Variants in CABP1 observed in about 807,000 individuals in gnomAD.
CABP1 encodes the protein calcium binding protein 1.
In CABP1, 17 loss-of-function variants were observed where a neutral mutation model predicts 34.3. That is an observed-to-expected ratio of 0.50 (90% CI 0.34 to 0.74). The LOEUF (loss-of-function observed/expected upper bound fraction) is 0.74. Ranked by LOEUF, CABP1 falls within the 30% of genes least tolerant of loss-of-function variation. The probability of loss-of-function intolerance (pLI) is 0.01; values close to 1 mark genes in which losing one functional copy is unlikely to be tolerated. For missense variants in CABP1, 373 were observed against 511.1 expected (o/e 0.73, Z 2.61); for synonymous variants, 198 against 229.2 (o/e 0.86, Z 1.23).
chr12:120,649,887 G>A (rs1593157338), intron 1 of CABP1, among the ~76,000 whole-genome samples: 1 of 152,206 alleles, frequency 6.6e-6, no homozygotes, highest in East Asian at 1.9e-4. Flanking sequence ...GACTGGAGCC[G>A]CAGCTCTCAA....
At chr12:120,642,308 C>T (rs1315486721) in intron 1 of CABP1, among the ~76,000 whole-genome samples, 2 of 152,112 alleles carry the variant, frequency 1.3e-5, no homozygotes, top group Non-Finnish European at 2.9e-5. Flanking sequence ...ACAGGGGGGG[C>T]TGTGCCTTTC....
chr12:120,672,850 C>T, the CABP1 span, among the ~76,000 whole-genome samples: 2 of 151,258 alleles, frequency 1.3e-5, no homozygotes, highest in Non-Finnish European at 2.9e-5. Context: ...GCCAACATGG[C>T]GAAAACCCGT....
At chr12:120,645,090 C>T (rs1046840301) in intron 1 of CABP1, among the ~76,000 whole-genome samples, 1 of 152,228 alleles carries the variant, frequency 6.6e-6, no homozygotes, top group Non-Finnish European at 1.5e-5. Context: ...CAGGAGTGAG[C>T]TACCACGCCC....
chr12:120,666,915 C>G lies in CABP1; in HGVS notation c.*15C>G, dbSNP rs1157214750. The G allele has an allele frequency of 6.2e-7, 1 of 1,601,842 alleles. No individual in the cohort carries two copies. Reference sequence around the variant, plus strand: ...TGTCCCGCTGAGGCCGCGAGGGCCCCTCCAGGACTGCCAAGCTCCCAAAGG... The same window carrying G: ...TGTCCCGCTGAGGCCGCGAGGGCCCGTCCAGGACTGCCAAGCTCCCAAAGG... On this transcript the variant is annotated 3_prime_UTR_variant, in exon 6 of 6. Transcript: ENST00000316803.
At chr12:120,674,732 A>G in the CABP1 span, among the ~76,000 whole-genome samples, 1 of 152,216 alleles carries the variant, frequency 6.6e-6, no homozygotes, top group African/African-American at 2.4e-5. Flanking sequence ...TACTAAAAAT[A>G]CAACAAAAAT....
At chr12:120,656,022 G>T in intron 1 of CABP1, 1 of 1,607,348 alleles carries the variant, frequency 6.2e-7, no homozygotes. Flanking sequence ...CCCCTCCCGG[G>T]ACCAGGAGCC....
downstream of CABP1, among the ~76,000 whole-genome samples, chr12:120,668,222 C>T (rs527895075): frequency 4.8e-4 from 73 of 152,338 alleles, no homozygotes; most frequent in South Asian, 2.7e-3. Flanking sequence ...ACTGGCTGCG[C>T]GCCGTGGCTC....
chr12:120,658,393 T>C (rs1880388704), intron 1 of CABP1, among the ~76,000 whole-genome samples: 1 of 152,096 alleles, frequency 6.6e-6, no homozygotes, highest in Admixed American at 6.5e-5. Flanking sequence ...CCACCGTGCC[T>C]GGCCCATAGC....
At chr12:120,655,851 G>A (rs1003047529) in intron 1 of CABP1, 13 of 1,382,482 alleles carry the variant, frequency 9.4e-6, no homozygotes, top group Non-Finnish European at 1.2e-5. Flanking sequence ...GTGTGTGTGT[G>A]CGCATGTGCC....
intron 1 of CABP1, among the ~76,000 whole-genome samples, chr12:120,656,614 G>C (rs1025900922): frequency 1.3e-5 from 2 of 152,130 alleles, no homozygotes; most frequent in South Asian, 2.1e-4. Context: ...AACTGACTTG[G>C]GCTGGGCGCA....
At position 120,654,643 on chromosome 12, in the gene CABP1, CG is replaced by C. The variant is rs1469510227; in HGVS notation, c.655-5234del. 9.9e-3 allele frequency among the ~76,000 whole-genome samples: 7 copies of C among 706 alleles called. 1 individual carries two copies. The highest frequency in any genetic ancestry group is 0.045 in the African/African-American group (7 of 156). 0.5% of individuals were successfully genotyped at this position (706 alleles called of 152,430 possible). A position where few individuals can be genotyped will look rare whatever the true frequency, so the allele number is the denominator to read the frequency against. On this transcript the variant is annotated intron_variant, in intron 1 of 5. Coordinates refer to ENST00000316803, the MANE Select transcript of CABP1 (RefSeq NM_001033677.2). ...GAAGGAAGGTATGTAAGCTCCAGGC[CG>C]AAGGCAGAGTGCAGGCCGAAGGCAG...
the CABP1 span, among the ~76,000 whole-genome samples, chr12:120,677,460 G>A: frequency 2.2e-5 from 3 of 135,086 alleles, no homozygotes; most frequent in Non-Finnish European, 4.6e-5. Context: ...ACAGTGGTAC[G>A]ATCTTGGCTC....
chr12:120,653,481 C>G (rs1879976083), intron 1 of CABP1, among the ~76,000 whole-genome samples: 1 of 152,324 alleles, frequency 6.6e-6, no homozygotes, highest in East Asian at 1.9e-4. Flanking sequence ...TGTTTGAGCC[C>G]AAAGCCAGCA....
chr12:120,666,203 T>TA (rs78315987), intron 5 of CABP1, among the ~76,000 whole-genome samples: 30,770 of 106,766 alleles, frequency 0.29, 5,283 homozygotes, highest in African/African-American at 0.48. Flanking sequence ...GTCTCTACAT[T>TA]AAAAAAAAAA....
intron 1 of CABP1, among the ~76,000 whole-genome samples, chr12:120,648,946 A>G (rs1185062070): frequency 6.6e-6 from 1 of 150,546 alleles, no homozygotes; most frequent in African/African-American, 2.4e-5. Context: ...CTTCCCATTC[A>G]TTGGAGTCCA....
chr12:120,672,797 A>AG, the CABP1 span, among the ~76,000 whole-genome samples: 3 of 151,438 alleles, frequency 2.0e-5, no homozygotes, highest in African/African-American at 7.3e-5. Flanking sequence ...TGGGAGGCTG[A>AG]GGTGGGTGGA....
chr12:120,659,739 C>A, intron 1 of CABP1, 139 bp from the exon 2 acceptor site: 1 of 691,972 alleles, frequency 1.4e-6, no homozygotes, highest in South Asian at 1.9e-5. Context: ...CCCTCAAGGA[C>A]CTGATCCAGG....
chr12:120,653,786 GCC>G (rs989947429), intron 1 of CABP1, among the ~76,000 whole-genome samples: 2 of 152,306 alleles, frequency 1.3e-5, no homozygotes, highest in Middle Eastern at 3.4e-3. Context: ...ACCCGCCTCG[GCC>G]TCCCAAAGTG....
In CABP1 at chr12:120,667,127, G is replaced by A. The variant is rs1881053473; in HGVS notation, c.*227G>A. On this transcript the variant is annotated 3_prime_UTR_variant, in exon 6 of 6. Transcript: ENST00000316803. The stretch of plus-strand genomic sequence containing the variant: ...CGCCCGCCGACGAGGAGGCCACCGT[G>A]CCAAGCCGGCAGAGGTCATGCCAGG... The A allele has an allele frequency of 5.0e-6, 3 of 594,866 alleles. No individual in the cohort carries two copies. The highest frequency in any genetic ancestry group is 8.9e-6 in the Non-Finnish European group (3 of 335,418). 36.8% of individuals were successfully genotyped at this position (594,866 alleles called of 1,614,324 possible). A position where few individuals can be genotyped will look rare whatever the true frequency, so the allele number is the denominator to read the frequency against.
Sources: gnomAD v4.1 joint callset for allele counts (sites outside exome capture counted in the v4.1 genomes callset) on GRCh38, gnomAD v4.1.1 for gene constraint, MANE v1.5 for transcripts, NCBI Gene and HGNC (gene_info 2026-07-23, HGNC 2026-07-21) for gene names.